COL19A1: variants seen among roughly 807,000 people sequenced by gnomAD.
COL19A1 encodes collagen type XIX alpha 1 chain, also known as collagen alpha-1(XIX) chain.
Under a neutral mutation model 190.2 loss-of-function variants are expected in COL19A1, and 159 were observed. The observed-to-expected ratio is 0.84, with a 90% CI of 0.73 to 0.95. COL19A1 has a LOEUF of 0.95. Among genes scored for constraint, COL19A1 ranks in the 40% least tolerant of loss-of-function variants. The probability of loss-of-function intolerance (pLI) is 0.00; values close to 1 mark genes in which losing one functional copy is unlikely to be tolerated. For missense variants in COL19A1, 1,418 were observed against 1,431.9 expected, an observed-to-expected ratio of 0.99 and a Z score of 0.16; for synonymous variants, 509 against 458.9, an observed-to-expected ratio of 1.11 and a Z score of -1.39.
intron 47 of COL19A1, 137 bp downstream of exon 47, chr6:70,188,382 C>A: frequency 9.7e-7 from 1 of 1,027,504 alleles, no homozygotes; most frequent in Non-Finnish European, 1.4e-6. Context: ...TAATAGCTGT[C>A]ATTTAAAGTT....
chr6:70,039,738 A>G (rs1174486015), intron 14 of COL19A1, among the ~76,000 whole-genome samples: 1 of 151,054 alleles, frequency 6.6e-6, no homozygotes, highest in Non-Finnish European at 1.5e-5. Context: ...GCAATCCTTT[A>G]TGATGTTTTT....
chr6:69,883,668 T>C (rs1768717008), intron 2 of COL19A1, among the ~76,000 whole-genome samples: 1 of 152,198 alleles, frequency 6.6e-6, no homozygotes, highest in African/African-American at 2.4e-5. Flanking sequence ...ATAACAGAAC[T>C]CGTTTACATT....
At chr6:70,146,194 G>C (rs1184371840) in intron 25 of COL19A1, among the ~76,000 whole-genome samples, 1 of 151,966 alleles carries the variant, frequency 6.6e-6, no homozygotes, top group Non-Finnish European at 1.5e-5. Context: ...AAACATAAAC[G>C]TTCCTAGGGC....
intron 14 of COL19A1, among the ~76,000 whole-genome samples, chr6:70,063,771 G>A (rs1257070457): frequency 2.0e-5 from 3 of 151,986 alleles, no homozygotes; most frequent in Non-Finnish European, 2.9e-5. Flanking sequence ...TCAAATAGAT[G>A]CAATAAAAAA....
chr6:70,145,085 C>A, intron 25 of COL19A1, 78 bp downstream of exon 25: 1 of 1,045,164 alleles, frequency 9.6e-7, no homozygotes, highest in Non-Finnish European at 1.5e-6. Flanking sequence ...TTTCAGATCA[C>A]AAGTATGGGA....
At chr6:70,203,773 G>C (rs374863688) in intron 49 of COL19A1, among the ~76,000 whole-genome samples, 61 of 152,200 alleles carry the variant, frequency 4.0e-4, no homozygotes, top group African/African-American at 1.3e-3. Context: ...TCAATGACTA[G>C]TACCTCTAGA....
intron 45 of COL19A1, 59 bp from the exon 46 acceptor site, chr6:70,184,812 A>G: frequency 6.2e-7 from 1 of 1,606,934 alleles, no homozygotes; most frequent in Non-Finnish European, 8.5e-7. Flanking sequence ...ATTTACATCA[A>G]TCAGACTGAT....
At chr6:70,009,663 T>G (rs1777860769) in intron 11 of COL19A1, among the ~76,000 whole-genome samples, 2 of 140,916 alleles carry the variant, frequency 1.4e-5, no homozygotes, top group African/African-American at 6.3e-5. Flanking sequence ...ATAACAAAAC[T>G]GAAGGACTAA....
At chr6:70,184,547 T>C (rs1562252810) in intron 44 of COL19A1, among the ~76,000 whole-genome samples, 156 bp from the exon 45 acceptor site, 1 of 152,178 alleles carries the variant, frequency 6.6e-6, no homozygotes, top group South Asian at 2.1e-4. Context: ...CTCAGGACTG[T>C]CAGATTCTAT....
intron 9 of COL19A1, among the ~76,000 whole-genome samples, chr6:69,938,869 A>G (rs1773279779): frequency 6.6e-6 from 1 of 152,132 alleles, no homozygotes; most frequent in Non-Finnish European, 1.5e-5. Context: ...TAATCAGGTA[A>G]ATGAATGAGC....
intron 6 of COL19A1, 144 bp from the exon 7 acceptor site, chr6:69,932,639 A>G: frequency 1.8e-6 from 1 of 569,944 alleles, no homozygotes. Flanking sequence ...TGAATCCTAC[A>G]TTTAATAAAA....
chr6:69,951,564 A>G (rs1774124853), intron 9 of COL19A1, among the ~76,000 whole-genome samples: 1 of 151,938 alleles, frequency 6.6e-6, no homozygotes, highest in Non-Finnish European at 1.5e-5. Flanking sequence ...CACATATCTT[A>G]TGTAACCTTG....
At chr6:69,934,241 G>A (rs1385287463) in intron 7 of COL19A1, among the ~76,000 whole-genome samples, 1 of 151,914 alleles carries the variant, frequency 6.6e-6, no homozygotes, top group Non-Finnish European at 1.5e-5. Context: ...TAAAATGCCA[G>A]CCAGCCAAAT....
At chr6:70,185,748 C>T (rs1274075834) in intron 46 of COL19A1, among the ~76,000 whole-genome samples, 3 of 152,104 alleles carry the variant, frequency 2.0e-5, no homozygotes, top group Admixed American at 6.6e-5. Context: ...CATTGTTACT[C>T]AGTGTAATTC....
Position 70,184,702 on chromosome 6 carries a change from G to C in COL19A1, c.2776-1G>C, listed in dbSNP as rs922495703. ...AATATTAATCCTTTTTTTCTTTATA[G>C]GGAATAAATGGAAAAGATGGAATAC... On this transcript the variant is annotated splice_acceptor_variant, in intron 44 of 50. Transcript: ENST00000620364. LOFTEE classifies it high-confidence loss of function. 2 of 1,586,356 alleles carry C rather than the reference G, an allele frequency of 1.3e-6. No homozygotes were observed. Among genetic ancestry groups the C allele is most frequent in the African/African-American group, 2.7e-5 (2 of 73,554 alleles).
chr6:70,094,184 CATT>C (rs1783100136), intron 15 of COL19A1, among the ~76,000 whole-genome samples: 2 of 152,150 alleles, frequency 1.3e-5, no homozygotes, highest in African/African-American at 2.4e-5. Context: ...TTACACATAT[CATT>C]GAGTTCAAAA....
At chr6:70,024,022 C>T (rs1778591859) in intron 12 of COL19A1, among the ~76,000 whole-genome samples, 1 of 152,080 alleles carries the variant, frequency 6.6e-6, no homozygotes, top group Non-Finnish European at 1.5e-5. Flanking sequence ...TCATCTCAGT[C>T]CAAATCTCCA....
chr6:70,025,954 A>G (rs1467268077), intron 12 of COL19A1, among the ~76,000 whole-genome samples: 5 of 152,230 alleles, frequency 3.3e-5, no homozygotes, highest in Non-Finnish European at 7.3e-5. Flanking sequence ...TGAGAAGGAT[A>G]CTAACTTGTG....
At position 70,159,708 on chromosome 6, in the gene COL19A1, G is replaced by A. The variant is rs551036882; in HGVS notation, c.2293-2192G>A. On this transcript the variant is annotated intron_variant, in intron 34 of 50. Coordinates refer to ENST00000620364, the MANE Select transcript of COL19A1 (RefSeq NM_001858.6). ...GATCCAGCTCACAGTCCTATAGAAT[G>A]CTGATAATCAATATGCAGTAATGTT... Among the ~76,000 whole-genome samples, 3 of 152,196 alleles carry A rather than the reference G, an allele frequency of 2.0e-5. No homozygotes were observed. The South Asian group carries it at 6.2e-4, about 32-fold the overall frequency.
Sources: gnomAD v4.1 joint callset for allele counts (sites outside exome capture counted in the v4.1 genomes callset) on GRCh38, gnomAD v4.1.1 for gene constraint, MANE v1.5 for transcripts, NCBI Gene and HGNC (gene_info 2026-07-23, HGNC 2026-07-21) for gene names.